GPR52: variants seen among roughly 807,000 people sequenced by gnomAD.
GPR52 encodes G protein-coupled receptor 52.
A neutral mutation model predicts 24.0 loss-of-function variants in GPR52; 8 were observed. That is an observed-to-expected ratio of 0.33 (90% CI 0.20 to 0.60). The LOEUF is 0.60. Among genes scored for constraint, GPR52 ranks in the 20% least tolerant of loss-of-function variants. The pLI, the probability that GPR52 is intolerant of heterozygous loss-of-function variation, is 0.82. For synonymous variants in GPR52, 144 were observed against 158.1 expected (o/e 0.91, Z 0.67); for missense variants, 412 against 447.7 (o/e 0.92, Z 0.72).
chr1:174,448,237 C>T lies in GPR52; in HGVS notation c.126C>T (p.Phe42=), dbSNP rs145259584. The change falls in exon 1 of 1, where the codon TTC becomes TTT. Residue 42 remains phenylalanine, a synonymous_variant. Coordinates refer to ENST00000367685, the MANE Select transcript of GPR52 (RefSeq NM_005684.5). The surrounding 1 kb of genome is among the most constrained non-coding windows in gnomAD (Gnocchi z 4.2). ...GHYSVVDVCI[F]ETVVIVLLTF... ...ACAGTGTGGTGGATGTCTGCATCTT[C>T]GAGACAGTGGTTATTGTGTTGCTGA... 8.4e-5 allele frequency: 136 copies of T among 1,613,914 alleles called. No individual in the cohort carries two copies. Among genetic ancestry groups the T allele is most frequent in the Non-Finnish European group, 1.0e-4 (122 of 1,179,974 alleles).
In GPR52 at chr1:174,448,262, A is replaced by G. The variant is rs775220125; in HGVS notation, c.151A>G (p.Thr51Ala). The G allele has an allele frequency of 6.2e-7, 1 of 1,613,936 alleles. No homozygotes were observed. Among genetic ancestry groups the G allele is most frequent in the Admixed American group, 1.7e-5 (1 of 60,022 alleles). ...IFETVVIVLL[T>A]FLIIAGNLTV... The stretch of plus-strand genomic sequence containing the variant: ...CGAGACAGTGGTTATTGTGTTGCTG[A>G]CATTTCTGATCATTGCTGGGAATCT... Residue 51 changes from threonine (T) to alanine (A), a missense_variant, in exon 1 of 1, where the codon ACA becomes GCA. Thr to Ala is a moderately conservative substitution (Grantham distance 58). Coordinates refer to ENST00000367685, the MANE Select transcript of GPR52 (RefSeq NM_005684.5). This position sits in a 1 kb window ranked among gnomAD's most constrained non-coding sequence, Gnocchi z 4.2.
Position 174,448,052 on chromosome 1 carries a change from G to A in GPR52, c.-60G>A. The A allele has an allele frequency of 6.8e-7, 1 of 1,476,550 alleles. No individual in the cohort carries two copies. Among genetic ancestry groups the A allele is most frequent in the Non-Finnish European group, 9.3e-7 (1 of 1,077,904 alleles). 91.5% of individuals were successfully genotyped at this position (1,476,550 alleles called of 1,614,324 possible). ...CACTCATGTGCGGTGTTTAACAGAT[G>A]CTGGGCAGGGCATCTGCTTGCTGTA... is the stretch of plus-strand genomic sequence containing the variant. On this transcript the variant is annotated 5_prime_UTR_variant, in exon 1 of 1. An upstream start codon of the reference 5' UTR is lost. Transcript: ENST00000367685. This position sits in a 1 kb window ranked among gnomAD's most constrained non-coding sequence, Gnocchi z 4.2.
Position 174,448,516 on chromosome 1 carries a change from C to A in GPR52, c.405C>A (p.Ile135=), listed in dbSNP as rs76949857. The change falls in exon 1 of 1, where the codon ATC becomes ATA. Residue 135 remains isoleucine, a synonymous_variant. Transcript: ENST00000367685. The surrounding 1 kb of genome is among the most constrained non-coding windows in gnomAD (Gnocchi z 4.2). ...TTTCTATGGCATGTCTTGCTTGCATCAGTGTGGATCGTTATCTTGCAATAA... is the reference window on the plus strand; with the variant it reads ...TTTCTATGGCATGTCTTGCTTGCATAAGTGTGGATCGTTATCTTGCAATAA... ...KSVSMACLAC[I]SVDRYLAITK... The A allele has an allele frequency of 5.5e-4, 886 of 1,612,688 alleles. 4 individuals carry two copies. In the African/African-American group the frequency reaches 0.011, roughly 19 times the overall value.
Position 174,449,256 on chromosome 1 carries a change from T to G in GPR52, c.*59T>G, listed in dbSNP as rs971136117. 2.1e-6 allele frequency: 3 copies of G among 1,404,806 alleles called. No individual in the cohort carries two copies. The highest frequency in any genetic ancestry group is 2.9e-6 in the Non-Finnish European group (3 of 1,037,768). 87.0% of individuals were successfully genotyped at this position (1,404,806 alleles called of 1,614,324 possible). A position where few individuals can be genotyped will look rare whatever the true frequency, so the allele number is the denominator to read the frequency against. The stretch of plus-strand genomic sequence containing the variant: ...CAGTGGTTTTGGATCATATTCTAGA[T>G]TCATCTGGAAATTTGCCATCAGAGA... On this transcript the variant is annotated 3_prime_UTR_variant, in exon 1 of 1. Coordinates refer to ENST00000367685, the MANE Select transcript of GPR52 (RefSeq NM_005684.5).
chr1:174,449,337 CTTT>C lies in GPR52; in HGVS notation c.*147_*149del. 1.5e-6 allele frequency: 1 copy of C among 675,772 alleles called. No homozygotes were observed. The highest frequency in any genetic ancestry group is 2.4e-6 in the Non-Finnish European group (1 of 414,574). The allele number at this position is 675,772 out of a possible 1,614,324, so 41.9% of individuals were successfully genotyped here. A position where few individuals can be genotyped will look rare whatever the true frequency, so the allele number is the denominator to read the frequency against. Reference sequence around the variant, plus strand: ...GAAGTATGAGACTAAAGGTTTCTCTCTTTTTTTTTCTTTTTCATGGAAGAAACT... The same window carrying C: ...GAAGTATGAGACTAAAGGTTTCTCTCTTTTTTCTTTTTCATGGAAGAAACT... On this transcript the variant is annotated 3_prime_UTR_variant, in exon 1 of 1. Transcript: ENST00000367685.
rs1431661632 is a variant in GPR52 at position 174,448,829 on chromosome 1, C to T, written c.718C>T (p.Arg240Ter). ...CRQHTKEINDRRARFPSHEVD... is the reference protein window; with the variant it reads ...CRQHTKEIND ...TCAGCACACCAAAGAGATAAATGAC[C>T]GAAGAGCCCGATTCCCTAGTCATGA... The change falls in exon 1 of 1, where the codon CGA becomes TGA. Residue 240 changes from arginine to a stop codon, truncating the protein, a stop_gained. Coordinates refer to ENST00000367685, the MANE Select transcript of GPR52 (RefSeq NM_005684.5). LOFTEE classifies it high-confidence loss of function. The surrounding 1 kb of genome is among the most constrained non-coding windows in gnomAD (Gnocchi z 4.2). 1.7e-5 allele frequency: 28 copies of T among 1,614,034 alleles called. No homozygotes were observed. The highest frequency in any genetic ancestry group is 2.2e-5 in the Non-Finnish European group (26 of 1,179,958).
chr1:174,448,146 T>C lies in GPR52; in HGVS notation c.35T>C (p.Leu12Pro), dbSNP rs1326294399. ...NESRWTEWRI[L>P]NMSSGIVNVS... ...TCCAGGTGGACTGAATGGAGGATCC[T>C]GAACATGAGCAGTGGCATTGTGAAT... The change falls in exon 1 of 1, where the codon CTG becomes CCG. Residue 12 changes from leucine (L) to proline (P), a missense_variant. Transcript: ENST00000367685. This position sits in a 1 kb window ranked among gnomAD's most constrained non-coding sequence, Gnocchi z 4.2. 6.2e-7 allele frequency: 1 copy of C among 1,613,274 alleles called. No individual in the cohort carries two copies. The highest frequency in any genetic ancestry group is 8.5e-7 in the Non-Finnish European group (1 of 1,179,346).
At position 174,448,106 on chromosome 1, in the gene GPR52, C is replaced by G. The variant is rs759026490; in HGVS notation, c.-6C>G. ...AAGTCTGCAGGTGTCTTTAAATTTC[C>G]AAGCCATGAATGAATCCAGGTGGAC... On this transcript the variant is annotated 5_prime_UTR_variant, in exon 1 of 1. Coordinates refer to ENST00000367685, the MANE Select transcript of GPR52 (RefSeq NM_005684.5). The surrounding 1 kb of genome is among the most constrained non-coding windows in gnomAD (Gnocchi z 4.2). The G allele has an allele frequency of 2.1e-5, 33 of 1,603,160 alleles. No individual in the cohort carries two copies. The highest frequency in any genetic ancestry group is 2.8e-5 in the Non-Finnish European group (33 of 1,173,948).
Position 174,448,645 on chromosome 1 carries a change from T to G in GPR52, c.534T>G (p.Phe178Leu). ...GCCTAATTTTCTTGCCTTCCTTTTT[T>G]GGCTGGGGGAAACCTGGTTACCATG... Reference protein sequence around the residue: ...YSCLIFLPSFFGWGKPGYHGD... With the variant: ...YSCLIFLPSFLGWGKPGYHGD... The change falls in exon 1 of 1, where the codon TTT becomes TTG. Residue 178 changes from phenylalanine (F) to leucine (L), a missense_variant. By Grantham distance (22) the Phe-to-Leu change is conservative. Coordinates refer to ENST00000367685, the MANE Select transcript of GPR52 (RefSeq NM_005684.5). This position sits in a 1 kb window ranked among gnomAD's most constrained non-coding sequence, Gnocchi z 4.2. 6.2e-7 allele frequency: 1 copy of G among 1,613,924 alleles called. No individual in the cohort carries two copies. The highest frequency in any genetic ancestry group is 8.5e-7 in the Non-Finnish European group (1 of 1,179,792).
chr1:174,448,201 A>G lies in GPR52; in HGVS notation c.90A>G (p.Gly30=). Reference sequence around the variant, plus strand: ...CCGAGCGTCACTCCTGCCCACTTGGATTTGGCCACTACAGTGTGGTGGATG... The same window carrying G: ...CCGAGCGTCACTCCTGCCCACTTGGGTTTGGCCACTACAGTGTGGTGGATG... ...NVSERHSCPL[G]FGHYSVVDVC... is the part of the protein sequence containing the mutation. Residue 30 remains glycine (G), a synonymous_variant, in exon 1 of 1, where the codon GGA becomes GGG. Coordinates refer to ENST00000367685, the MANE Select transcript of GPR52 (RefSeq NM_005684.5). The surrounding 1 kb of genome is among the most constrained non-coding windows in gnomAD (Gnocchi z 4.2). 6.2e-7 allele frequency: 1 copy of G among 1,613,916 alleles called. No homozygotes were observed. The highest frequency in any genetic ancestry group is 8.5e-7 in the Non-Finnish European group (1 of 1,179,938).
Position 174,449,213 on chromosome 1 carries a change from A to C in GPR52, c.*16A>C. ...CTCCATTTGAAGAGAGCTACATAGT[A>C]AATCAAATGTAATCTGACAGTGGTT... On this transcript the variant is annotated 3_prime_UTR_variant, in exon 1 of 1. Transcript: ENST00000367685. The C allele has an allele frequency of 6.5e-7, 1 of 1,537,202 alleles. No homozygotes were observed. Among genetic ancestry groups the C allele is most frequent in the Non-Finnish European group, 8.7e-7 (1 of 1,146,256 alleles).
chr1:174,448,135 A>G lies in GPR52; in HGVS notation c.24A>G (p.Glu8=), dbSNP rs751535629. 6.2e-7 allele frequency: 1 copy of G among 1,612,908 alleles called. No individual in the cohort carries two copies. Among genetic ancestry groups the G allele is most frequent in the South Asian group, 1.1e-5 (1 of 90,930 alleles). Residue 8 remains glutamate (E), a synonymous_variant, in exon 1 of 1, where the codon GAA becomes GAG. Coordinates refer to ENST00000367685, the MANE Select transcript of GPR52 (RefSeq NM_005684.5). This position sits in a 1 kb window ranked among gnomAD's most constrained non-coding sequence, Gnocchi z 4.2. MNESRWT[E]WRILNMSSGI... Reference sequence around the variant, plus strand: ...CCATGAATGAATCCAGGTGGACTGAATGGAGGATCCTGAACATGAGCAGTG... The same window carrying G: ...CCATGAATGAATCCAGGTGGACTGAGTGGAGGATCCTGAACATGAGCAGTG...
rs770177131 is a variant in GPR52, at chr1:174,448,065, T to C, written c.-47T>C. ...TGTTTAACAGATGCTGGGCAGGGCA[T>C]CTGCTTGCTGTAGCCAAGTCTGCAG... On this transcript the variant is annotated 5_prime_UTR_variant, in exon 1 of 1. Transcript: ENST00000367685. The surrounding 1 kb of genome is among the most constrained non-coding windows in gnomAD (Gnocchi z 4.2). The C allele has an allele frequency of 3.9e-6, 6 of 1,551,662 alleles. No individual in the cohort carries two copies. In the South Asian group the frequency reaches 7.3e-5, roughly 19 times the overall value.
At position 174,448,501 on chromosome 1, in the gene GPR52, A is replaced by T. The variant is rs1016306663; in HGVS notation, c.390A>T (p.Ala130=). The T allele has an allele frequency of 1.2e-6, 2 of 1,613,696 alleles. No homozygotes were observed. The highest frequency in any genetic ancestry group is 3.3e-5 in the Admixed American group (2 of 60,018). ...IISVLKSVSM[A]CLACISVDRY... ...CAGTTCTAAAAAGTGTTTCTATGGC[A>T]TGTCTTGCTTGCATCAGTGTGGATC... Residue 130 remains alanine (A), a synonymous_variant, in exon 1 of 1, where the codon GCA becomes GCT. Transcript: ENST00000367685. The surrounding 1 kb of genome is among the most constrained non-coding windows in gnomAD (Gnocchi z 4.2).
Position 174,448,528 on chromosome 1 carries a change from T to C in GPR52, c.417T>C (p.Arg139=), listed in dbSNP as rs1255990093. 1 of 1,612,292 alleles carries C rather than the reference T, an allele frequency of 6.2e-7. No homozygotes were observed. Among genetic ancestry groups the C allele is most frequent in the African/African-American group, 1.3e-5 (1 of 74,628 alleles). ...GTCTTGCTTGCATCAGTGTGGATCG[T>C]TATCTTGCAATAACCAAGCCTCTTT... is the stretch of plus-strand genomic sequence containing the variant. ...MACLACISVD[R]YLAITKPLSY... is the part of the protein sequence containing the mutation. The change falls in exon 1 of 1, where the codon CGT becomes CGC. Residue 139 remains arginine, a synonymous_variant. Transcript: ENST00000367685. This position sits in a 1 kb window ranked among gnomAD's most constrained non-coding sequence, Gnocchi z 4.2.
Position 174,448,517 on chromosome 1 carries a change from A to G in GPR52, c.406A>G (p.Ser136Gly), listed in dbSNP as rs1178164292. The part of the protein sequence containing the change: ...SVSMACLACI[S>G]VDRYLAITKP... The stretch of plus-strand genomic sequence containing the variant: ...TTCTATGGCATGTCTTGCTTGCATC[A>G]GTGTGGATCGTTATCTTGCAATAAC... The change falls in exon 1 of 1, where the codon AGT becomes GGT. Residue 136 changes from serine (S) to glycine (G), a missense_variant. Coordinates refer to ENST00000367685, the MANE Select transcript of GPR52 (RefSeq NM_005684.5). This position sits in a 1 kb window ranked among gnomAD's most constrained non-coding sequence, Gnocchi z 4.2. 1.2e-6 allele frequency: 2 copies of G among 1,613,054 alleles called. No individual in the cohort carries two copies. Among genetic ancestry groups the G allele is most frequent in the South Asian group, 1.1e-5 (1 of 91,052 alleles).
Position 174,449,409 on chromosome 1 carries a change from G to A in GPR52, c.*212G>A, listed in dbSNP as rs907594980. ...AGGGTTAGCTCATGAAATAATTATA[G>A]CATGTGAGTATTAGTGTGCAGTAAT... is the stretch of plus-strand genomic sequence containing the variant. On this transcript the variant is annotated 3_prime_UTR_variant, in exon 1 of 1. Transcript: ENST00000367685. 6.6e-6 allele frequency among the ~76,000 whole-genome samples: 1 copy of A among 152,078 alleles called. No individual in the cohort carries two copies. Among genetic ancestry groups the A allele is most frequent in the Non-Finnish European group, 1.5e-5 (1 of 68,012 alleles).
At position 174,449,187 on chromosome 1, in the gene GPR52, G is replaced by A; in HGVS notation, c.1076G>A (p.Cys359Tyr). Residue 359 changes from cysteine to tyrosine, a missense_variant, in exon 1 of 1, where the codon TGC becomes TAC. By Grantham distance (194) the Cys-to-Tyr change is radical. Coordinates refer to ENST00000367685, the MANE Select transcript of GPR52 (RefSeq NM_005684.5). ...AAACCTAGGAAACGGGCTAATTCTT[G>A]CTCCATTTGAAGAGAGCTACATAGT... ...EPKPRKRANS[C>Y]SI 1.3e-6 allele frequency: 2 copies of A among 1,596,154 alleles called. No homozygotes were observed. The highest frequency in any genetic ancestry group is 2.3e-5 in the South Asian group (2 of 86,926).
chr1:174,449,428 C>A lies in GPR52; in HGVS notation c.*231C>A, dbSNP rs947949438. Among the ~76,000 whole-genome samples the A allele has an allele frequency of 1.3e-5, 2 of 151,970 alleles. No individual in the cohort carries two copies. The highest frequency in any genetic ancestry group is 2.9e-5 in the Non-Finnish European group (2 of 67,992). ...ATTATAGCATGTGAGTATTAGTGTG[C>A]AGTAATAGGAAAAATTAAGCACTGA... is the stretch of plus-strand genomic sequence containing the variant. On this transcript the variant is annotated 3_prime_UTR_variant, in exon 1 of 1. Transcript: ENST00000367685.
Sources: allele counts gnomAD v4.1 joint callset (sites outside exome capture counted in the v4.1 genomes callset), GRCh38; gene constraint gnomAD v4.1.1; non-coding constraint Gnocchi (gnomAD v3.1); transcripts MANE v1.5; gene names NCBI Gene and HGNC (gene_info 2026-07-23, HGNC 2026-07-21).